Variants in TM6SF1 observed in about 807,000 individuals in gnomAD.
The protein encoded by TM6SF1 is transmembrane 6 superfamily member 1.
TM6SF1 carries 43 observed loss-of-function variants against 47.1 expected under a neutral mutation model. The observed-to-expected ratio is 0.91, with a 90% confidence interval of 0.72 to 1.18. The LOEUF is 1.18. Among genes scored for constraint, TM6SF1 ranks in the 50% most tolerant of loss-of-function variants. The probability of loss-of-function intolerance (pLI) is 0.00; values close to 1 mark genes in which losing one functional copy is unlikely to be tolerated. For missense variants in TM6SF1, 390 were observed against 449.0 expected (o/e 0.87, Z 1.19); for synonymous variants, 177 against 166.3 (o/e 1.06, Z -0.49).
At chr15:83,122,518 GGT>G (rs1448879732) in intron 5 of TM6SF1, among the ~76,000 whole-genome samples, 6 of 152,070 alleles carry the variant, frequency 3.9e-5, no homozygotes, top group African/African-American at 1.2e-4. Flanking sequence ...GGCTTGCAGT[GGT>G]ACAGCCATAG....
intron 6 of TM6SF1, 21 bp downstream of exon 6, chr15:83,122,899 T>C: frequency 1.2e-6 from 2 of 1,613,354 alleles, no homozygotes; most frequent in African/African-American, 1.3e-5. Context: ...TAAGCTTTGA[T>C]GTACCCTGTT....
chr15:83,130,452 A>T (rs972164722), intron 9 of TM6SF1: 2 of 152,286 alleles, frequency 1.3e-5, no homozygotes, highest in Non-Finnish European at 2.9e-5. Context: ...ATCACTGCCC[A>T]GTTGATAAGG....
intron 9 of TM6SF1, chr15:83,134,926 G>C (rs1272919263): frequency 6.6e-6 from 1 of 152,244 alleles, no homozygotes; most frequent in African/African-American, 2.4e-5. Flanking sequence ...GGGCAGCCCT[G>C]AAAGTGCCCT....
rs1170481635 is a variant in TM6SF1 at position 83,126,778 on chromosome 15, G to A, written c.732G>A (p.Glu244=). The part of the protein sequence containing the change: ...RGLIALDCPS[E]LCRLYTQFQE... ...AGATTGCTTTGGATTGCCCATCTGA[G>A]CTCTGCCGATTATATACGCAATTTC... The change falls in exon 8 of 10, where the codon GAG becomes GAA. Residue 244 remains glutamate, a synonymous_variant. Coordinates refer to ENST00000322019, the MANE Select transcript of TM6SF1 (RefSeq NM_023003.5). The A allele has an allele frequency of 1.5e-5, 25 of 1,613,460 alleles. No individual in the cohort carries two copies. The highest frequency in any genetic ancestry group is 1.9e-5 in the Non-Finnish European group (23 of 1,179,776).
chr15:83,127,406 T>C lies in TM6SF1; in HGVS notation c.850T>C (p.Tyr284His), dbSNP rs1386975977. 1.2e-6 allele frequency: 2 copies of C among 1,614,078 alleles called. No individual in the cohort carries two copies. Among genetic ancestry groups the C allele is most frequent in the South Asian group, 1.1e-5 (1 of 91,076 alleles). The change falls in exon 9 of 10, where the codon TAT becomes CAT. Residue 284 changes from tyrosine to histidine, a missense_variant. By Grantham distance (83) the Tyr-to-His change is moderately conservative (BLOSUM62 2). Transcript: ENST00000322019. ...TGTTCCTTACTTTGTGACTGCACTG[T>C]ATGGCTTAGTGGTTCCTGGATGTTC... The part of the protein sequence containing the change: ...YSVPYFVTAL[Y>H]GLVVPGCSWM...
intron 9 of TM6SF1, chr15:83,128,436 AGAG>A (rs1406525626): frequency 1.3e-5 from 2 of 152,244 alleles, no homozygotes; most frequent in African/African-American, 4.8e-5. Flanking sequence ...TTAAGAAGGA[AGAG>A]AACTAACATT....
At chr15:83,119,436 C>T in intron 3 of TM6SF1, 142 bp from the exon 4 acceptor site, 2 of 885,864 alleles carry the variant, frequency 2.3e-6, no homozygotes, top group Non-Finnish European at 3.5e-6. Flanking sequence ...TTTCATGTTC[C>T]TACCAATTTT....
rs1445883988 is a variant in TM6SF1, at chr15:83,132,532, T to C, written c.922-3949T>C. The C allele has an allele frequency of 2.0e-5, 3 of 150,044 alleles. No individual in the cohort carries two copies. The East Asian group carries it at 5.8e-4, about 29-fold the overall frequency. The allele number at this position is 150,044 out of a possible 1,614,324, so 9.3% of individuals were successfully genotyped here. On this transcript the variant is annotated intron_variant, in intron 9 of 9. Transcript: ENST00000322019. ...GGAAACTTACGTGTGAATAATTTGG[T>C]TGTGAAGAGTTTACTGAAGTAAATT... is the stretch of plus-strand genomic sequence containing the variant.
At chr15:83,121,145 G>A (rs1338888455) in intron 4 of TM6SF1, among the ~76,000 whole-genome samples, 4 of 150,182 alleles carry the variant, frequency 2.7e-5, no homozygotes, top group East Asian at 4.0e-4. Flanking sequence ...ATCTTGGCTC[G>A]CTGTAACCTC....
intron 2 of TM6SF1, 38 bp from the exon 3 acceptor site, chr15:83,115,807 A>G (rs763378911): frequency 4.4e-6 from 6 of 1,355,382 alleles, no homozygotes; most frequent in Non-Finnish European, 6.3e-6. Flanking sequence ...TTGTCTCCTG[A>G]GCTATTGCTT....
rs147270997 is a variant in TM6SF1 at position 83,126,000 on chromosome 15, C to T, written c.709-755C>T. Among the ~76,000 whole-genome samples, 1,077 of 152,280 alleles carry T rather than the reference C, an allele frequency of 7.1e-3. 4 individuals are homozygous for T. The highest frequency in any genetic ancestry group is 0.012 in the Non-Finnish European group (799 of 68,016). ...TTAGTTTGTTGTAATTCTTAAAGTTCAAACAACAAAAAATAGTGGGCCCCA... is the reference window on the plus strand; with the variant it reads ...TTAGTTTGTTGTAATTCTTAAAGTTTAAACAACAAAAAATAGTGGGCCCCA... On this transcript the variant is annotated intron_variant, in intron 7 of 9. Transcript: ENST00000322019.
intron 1 of TM6SF1, among the ~76,000 whole-genome samples, chr15:83,108,565 T>C (rs2033875425): frequency 6.6e-6 from 1 of 152,200 alleles, no homozygotes. Flanking sequence ...CCCACTCCAC[T>C]GCAGGGATCA....
At chr15:83,125,943 T>G (rs2035712306) in intron 7 of TM6SF1, among the ~76,000 whole-genome samples, 1 of 152,218 alleles carries the variant, frequency 6.6e-6, no homozygotes, top group South Asian at 2.1e-4. Flanking sequence ...TAGCTTTGCT[T>G]AGACCACAGG....
At position 83,137,076 on chromosome 15, in the gene TM6SF1, T is replaced by C. The variant is rs2036658520; in HGVS notation, c.*404T>C. 1 of 153,170 alleles carries C rather than the reference T, an allele frequency of 6.5e-6. No individual in the cohort carries two copies. Among genetic ancestry groups the C allele is most frequent in the Admixed American group, 6.5e-5 (1 of 15,328 alleles). The allele number at this position is 153,170 out of a possible 1,614,324, so 9.5% of individuals were successfully genotyped here. On this transcript the variant is annotated 3_prime_UTR_variant, in exon 10 of 10. Coordinates refer to ENST00000322019, the MANE Select transcript of TM6SF1 (RefSeq NM_023003.5). ...GAATGCAGACTGGAGGAGTAACTTT[T>C]GCAAATAAGATGAATATGCTTCATT... is the stretch of plus-strand genomic sequence containing the variant.
intron 3 of TM6SF1, among the ~76,000 whole-genome samples, chr15:83,119,353 T>C (rs894835171): frequency 6.6e-6 from 1 of 152,222 alleles, no homozygotes; most frequent in East Asian, 1.9e-4. Flanking sequence ...CATGGGCCAA[T>C]TGGCCAGGCA....
In TM6SF1 at chr15:83,136,567, A is replaced by G. The variant is rs1304884113; in HGVS notation, c.1008A>G (p.Leu336=). ...RVPEEAKILF[L]ALNIAYGVLP... ...CTGAAGAAGCAAAAATCCTTTTTTTAGCATTAAACATAGCATATGGAGTTC... is the reference window on the plus strand; with the variant it reads ...CTGAAGAAGCAAAAATCCTTTTTTTGGCATTAAACATAGCATATGGAGTTC... Residue 336 remains leucine (L), a synonymous_variant, in exon 10 of 10, where the codon TTA becomes TTG. Coordinates refer to ENST00000322019, the MANE Select transcript of TM6SF1 (RefSeq NM_023003.5). The G allele has an allele frequency of 1.2e-6, 2 of 1,613,658 alleles. No individual in the cohort carries two copies. Among genetic ancestry groups the G allele is most frequent in the South Asian group, 1.1e-5 (1 of 90,998 alleles).
chr15:83,131,880 A>C (rs1241362972), intron 9 of TM6SF1: 1 of 152,234 alleles, frequency 6.6e-6, no homozygotes, highest in Non-Finnish European at 1.5e-5. Context: ...GAAAGGCATT[A>C]TAGGCTGCTT....
At chr15:83,135,533 T>G (rs1023591842) in intron 9 of TM6SF1, 4 of 152,226 alleles carry the variant, frequency 2.6e-5, no homozygotes, top group Non-Finnish European at 5.9e-5. Context: ...CAGGGGTACA[T>G]TTTGTAATGA....
rs548728954 is a variant in TM6SF1 at position 83,111,517 on chromosome 15, A to C, written c.93-1280A>C. ...CATCCATCCATCTATCCATCCACTC[A>C]TCGTCTATTTGTTCCCCCCTTCCCT... On this transcript the variant is annotated intron_variant, in intron 1 of 9. Transcript: ENST00000322019. 4 of 555,698 alleles carry C rather than the reference A, an allele frequency of 7.2e-6. No homozygotes were observed. The African/African-American group carries it at 8.2e-5, about 11-fold the overall frequency. The allele number at this position is 555,698 out of a possible 1,614,324, so 34.4% of individuals were successfully genotyped here. A position where few individuals can be genotyped will look rare whatever the true frequency, so the allele number is the denominator to read the frequency against.
Sources: allele counts gnomAD v4.1 joint callset (sites outside exome capture counted in the v4.1 genomes callset), GRCh38; gene constraint gnomAD v4.1.1; transcripts MANE v1.5; gene names NCBI Gene and HGNC (gene_info 2026-07-23, HGNC 2026-07-21).